RBFOX1: variants seen among roughly 807,000 people sequenced by gnomAD.
The protein encoded by RBFOX1 is RNA binding fox-1 homolog 1, also known as RNA binding protein fox-1 homolog 1.
RBFOX1 carries 8 observed loss-of-function variants against 57.7 expected under a neutral mutation model. That is an observed-to-expected ratio of 0.14 (90% CI 0.08 to 0.25). The LOEUF (loss-of-function observed/expected upper bound fraction) is 0.25. Among genes scored for constraint, RBFOX1 ranks in the 10% least tolerant of loss-of-function variants. The probability of loss-of-function intolerance (pLI) is 1.00; values close to 1 mark genes in which losing one functional copy is unlikely to be tolerated. For missense variants in RBFOX1, 611 were observed against 548.5 expected, an observed-to-expected ratio of 1.11 and a Z score of -1.14; for synonymous variants, 326 against 222.4, an observed-to-expected ratio of 1.47 and a Z score of -4.15.
chr16:6,302,709 A>G (rs77049822), intron 1 of RBFOX1, among the ~76,000 whole-genome samples: 5,007 of 152,262 alleles, frequency 0.033, 279 homozygotes, highest in African/African-American at 0.11. Flanking sequence ...AGAAGGTCTA[A>G]TCTCTTTCTT....
chr16:6,881,508 T>C (rs942187423), intron 3 of RBFOX1, among the ~76,000 whole-genome samples: 1 of 152,168 alleles, frequency 6.6e-6, no homozygotes, highest in African/African-American at 2.4e-5. Flanking sequence ...AGCCTGTGTA[T>C]CTTTACATCA....
intron 3 of RBFOX1, among the ~76,000 whole-genome samples, chr16:6,882,391 C>A (rs187129576): frequency 6.6e-6 from 1 of 151,978 alleles, no homozygotes; most frequent in Admixed American, 6.6e-5. Context: ...CTGATTCTCT[C>A]TCTTCCCAGC....
Position 7,341,780 on chromosome 16 carries a change from TTCCTTCCTTCCTTCC to T in RBFOX1, c.28-176365_28-176351del, listed in dbSNP as rs1568306725. On this transcript the variant is annotated intron_variant, in intron 4 of 15. Coordinates refer to ENST00000550418, the MANE Select transcript of RBFOX1 (RefSeq NM_018723.4). ...CTTCCCTCCTTCCCTCCCTCCCTCC[TTCCTTCCTTCCTTCC>T]TTCCTTCCTTCCTTCCTTCCTTCCT... 4.2e-3 allele frequency among the ~76,000 whole-genome samples: 235 copies of T among 56,402 alleles called. 4 individuals carry two copies. Among genetic ancestry groups the T allele is most frequent in the African/African-American group, 0.025 (226 of 9,172 alleles). 37.0% of individuals were successfully genotyped at this position (56,402 alleles called of 152,430 possible).
intron 3 of RBFOX1, among the ~76,000 whole-genome samples, chr16:5,770,156 A>G (rs778626506): frequency 2.6e-5 from 4 of 152,192 alleles, no homozygotes; most frequent in Non-Finnish European, 4.4e-5. Context: ...AGCTATGCTT[A>G]AGTGAGAACC....
chr16:5,821,397 G>C (rs1173933455), intron 3 of RBFOX1, among the ~76,000 whole-genome samples: 1 of 150,720 alleles, frequency 6.6e-6, no homozygotes, highest in Non-Finnish European at 1.5e-5. Flanking sequence ...TTGACTCCTG[G>C]ACATGAGCAG....
chr16:5,626,776 T>C (rs990559030), intron 3 of RBFOX1, among the ~76,000 whole-genome samples: 1 of 148,986 alleles, frequency 6.7e-6, no homozygotes, highest in Non-Finnish European at 1.5e-5. Context: ...ACCAGGGTTT[T>C]AAAAAAAAAA....
chr16:5,816,993 G>C (rs778129592), intron 3 of RBFOX1, among the ~76,000 whole-genome samples: 1 of 152,094 alleles, frequency 6.6e-6, no homozygotes, highest in Admixed American at 6.6e-5. Flanking sequence ...TCTTCTGTCA[G>C]TCTCTCCTCT....
chr16:5,258,402 A>C (rs1326225779), intron 1 of RBFOX1, among the ~76,000 whole-genome samples: 1 of 137,374 alleles, frequency 7.3e-6, no homozygotes, highest in Non-Finnish European at 1.6e-5. Context: ...TCCCTCTAAA[A>C]ACATGAGGGC....
chr16:6,911,750 C>T (rs76583184), intron 3 of RBFOX1, among the ~76,000 whole-genome samples: 4,521 of 152,262 alleles, frequency 0.03, 178 homozygotes, highest in East Asian at 0.12. Flanking sequence ...TTTTACCATG[C>T]ATACCTACAG....
chr16:6,695,381 A>G (rs1475734405), intron 3 of RBFOX1, among the ~76,000 whole-genome samples: 1 of 134,598 alleles, frequency 7.4e-6, no homozygotes, highest in Non-Finnish European at 1.5e-5. Flanking sequence ...GCGCCGCTTC[A>G]CTCCAGCCTG....
chr16:5,312,491 G>T (rs1330884939), intron 1 of RBFOX1, among the ~76,000 whole-genome samples: 2 of 151,974 alleles, frequency 1.3e-5, no homozygotes, highest in Non-Finnish European at 2.9e-5. Flanking sequence ...AAATTTTGTG[G>T]TTTTTAGTAG....
At chr16:6,938,061 C>T (rs1041277506) in intron 3 of RBFOX1, among the ~76,000 whole-genome samples, 2 of 151,826 alleles carry the variant, frequency 1.3e-5, no homozygotes, top group African/African-American at 4.8e-5. Flanking sequence ...ATATGGATAT[C>T]CCTCAGTTTC....
At chr16:7,217,597 C>G (rs1038653838) in intron 4 of RBFOX1, among the ~76,000 whole-genome samples, 1 of 151,840 alleles carries the variant, frequency 6.6e-6, no homozygotes, top group South Asian at 2.1e-4. Context: ...CATGAGAGGC[C>G]TGGTTCTGAG....
chr16:6,008,322 A>C (rs768005828), intron 4 of RBFOX1, among the ~76,000 whole-genome samples: 68 of 151,868 alleles, frequency 4.5e-4, no homozygotes, highest in Non-Finnish European at 1.3e-4. Context: ...GAAGCCACAG[A>C]GAGCTGCCAG....
intron 4 of RBFOX1, among the ~76,000 whole-genome samples, chr16:7,207,272 C>T (rs184563235): frequency 1.2e-4 from 19 of 152,210 alleles, no homozygotes; most frequent in East Asian, 3.9e-4. Flanking sequence ...GGTCACGTTC[C>T]GGCCCTTCAT....
intron 2 of RBFOX1, among the ~76,000 whole-genome samples, chr16:6,491,919 A>G (rs887457582): frequency 4.6e-5 from 7 of 152,160 alleles, no homozygotes. Flanking sequence ...AAGTTCCTAT[A>G]ACTCTCCTAT....
intron 4 of RBFOX1, among the ~76,000 whole-genome samples, chr16:7,083,782 G>C (rs2059562715): frequency 6.6e-6 from 1 of 152,216 alleles, no homozygotes; most frequent in Non-Finnish European, 1.5e-5. Context: ...GCATGGGTCA[G>C]TTGTTAGTGG....
At chr16:5,486,396 C>T (rs529029938) in intron 2 of RBFOX1, among the ~76,000 whole-genome samples, 36 of 152,116 alleles carry the variant, frequency 2.4e-4, no homozygotes, top group Non-Finnish European at 4.6e-4. Context: ...CCGAGGGGAC[C>T]AATGAAGACT....
At chr16:6,457,441 C>CCCCT (rs769708565) in intron 2 of RBFOX1, among the ~76,000 whole-genome samples, 1 of 67,688 alleles carries the variant, frequency 1.5e-5, no homozygotes, top group Non-Finnish European at 3.0e-5. Context: ...CCGGAAGTCC[C>CCCCT]CCCCCCCGCA....
Sources: gnomAD v4.1 joint callset for allele counts (sites outside exome capture counted in the v4.1 genomes callset) on GRCh38, gnomAD v4.1.1 for gene constraint, MANE v1.5 for transcripts, NCBI Gene and HGNC (gene_info 2026-07-23, HGNC 2026-07-21) for gene names.